The following DLG2 variants were observed in gnomAD, a reference collection of about 807,000 sequenced individuals.
DLG2 encodes the protein discs large MAGUK scaffold protein 2.
DLG2 carries 45 observed loss-of-function variants against 132.5 expected under a neutral mutation model. The observed-to-expected ratio is 0.34, with a 90% confidence interval of 0.27 to 0.44. The LOEUF is 0.44. Ranked by LOEUF, DLG2 falls within the 20% of genes least tolerant of loss-of-function variation. The pLI is 1.00. For synonymous variants in DLG2, 424 were observed against 419.6 expected (o/e 1.01, Z -0.13); for missense variants, 1,045 against 1,196.9 (o/e 0.87, Z 1.87).
intron 3 of DLG2, among the ~76,000 whole-genome samples, chr11:85,491,973 C>T (rs1028662403): frequency 1.3e-5 from 2 of 149,206 alleles, no homozygotes; most frequent in African/African-American, 5.2e-5. Context: ...AGAGGCATCA[C>T]ACAACCTGAC....
chr11:85,142,206 A>AT (rs1182539615), intron 5 of DLG2, among the ~76,000 whole-genome samples: 10 of 151,682 alleles, frequency 6.6e-5, no homozygotes, highest in African/African-American at 2.4e-4. Context: ...ATATCTTTCC[A>AT]TTTTTTGTGC....
intron 4 of DLG2, among the ~76,000 whole-genome samples, chr11:85,238,348 A>G (rs1396772365): frequency 6.6e-6 from 1 of 151,562 alleles, no homozygotes; most frequent in Non-Finnish European, 1.5e-5. Context: ...GGTTCAAGCA[A>G]TTCTCCTGCC....
At chr11:84,953,525 T>C (rs1349447609) in intron 6 of DLG2, among the ~76,000 whole-genome samples, 1 of 152,178 alleles carries the variant, frequency 6.6e-6, no homozygotes, top group Non-Finnish European at 1.5e-5. Context: ...CTCATCCATT[T>C]TTTAGCTTTG....
At chr11:83,534,541 T>C (rs920429283) in intron 20 of DLG2, among the ~76,000 whole-genome samples, 1 of 152,180 alleles carries the variant, frequency 6.6e-6, no homozygotes, top group Non-Finnish European at 1.5e-5. Flanking sequence ...GTTTCTATAG[T>C]TACAGAATGG....
At chr11:84,025,821 T>C (rs137925758) in intron 11 of DLG2, among the ~76,000 whole-genome samples, 2 of 152,218 alleles carry the variant, frequency 1.3e-5, no homozygotes, top group African/African-American at 2.4e-5. Context: ...TTTGCCAGCA[T>C]TTATGAGTCA....
At chr11:84,820,749 G>A (rs1349367814) in intron 6 of DLG2, among the ~76,000 whole-genome samples, 5 of 149,996 alleles carry the variant, frequency 3.3e-5, no homozygotes, top group Non-Finnish European at 7.4e-5. Context: ...TTGAGAAGCC[G>A]AGCCCCACTC....
intron 6 of DLG2, among the ~76,000 whole-genome samples, chr11:85,065,094 G>A (rs554887612): frequency 6.6e-6 from 1 of 151,480 alleles, no homozygotes; most frequent in Non-Finnish European, 1.5e-5. Context: ...CAGTGGAGAG[G>A]GGTGGGAGGA....
intron 21 of DLG2, among the ~76,000 whole-genome samples, chr11:83,528,486 T>C (rs2140921010): frequency 6.6e-6 from 1 of 152,324 alleles, no homozygotes; most frequent in South Asian, 2.1e-4. Context: ...ATCGTGTTCA[T>C]GCTTTTTCCT....
chr11:83,906,466 G>A (rs1489809981), intron 15 of DLG2, among the ~76,000 whole-genome samples: 4 of 151,966 alleles, frequency 2.6e-5, no homozygotes, highest in African/African-American at 9.7e-5. Context: ...GGTAGAGGAG[G>A]TAAGCCTCAT....
intron 24 of DLG2, among the ~76,000 whole-genome samples, chr11:83,470,160 C>T (rs2091837762): frequency 7.0e-6 from 1 of 142,306 alleles, no homozygotes; most frequent in Non-Finnish European, 1.6e-5. Flanking sequence ...AATTATAACA[C>T]AATTACGATG....
In DLG2 at chr11:83,635,226, G is replaced by A. The variant is rs117234546; in HGVS notation, c.1826-1901C>T. Among the ~76,000 whole-genome samples the A allele has an allele frequency of 2.0e-5, 3 of 152,192 alleles. No homozygotes were observed. The East Asian group carries it at 5.8e-4, about 29-fold the overall frequency. ...ACTGCACACCAGCTTGGGTGACAAA[G>A]TGAGACCCTGTCTTTATTTAAAATT... On this transcript the variant is annotated intron_variant, in intron 18 of 27. Coordinates refer to ENST00000376104, the MANE Select transcript of DLG2 (RefSeq NM_001142699.3).
chr11:83,585,438 T>C lies in DLG2; in HGVS notation c.1941-43580A>G, dbSNP rs147532669. Among the ~76,000 whole-genome samples the C allele has an allele frequency of 6.3e-4, 96 of 152,344 alleles. 2 individuals are homozygous for C. The highest frequency in any genetic ancestry group is 2.2e-3 in the African/African-American group (90 of 41,588). On this transcript the variant is annotated intron_variant, in intron 19 of 27. Coordinates refer to ENST00000376104, the MANE Select transcript of DLG2 (RefSeq NM_001142699.3). ...TAGGTGCCCCTAGATACAGCCATAC[T>C]TAAACTTTCTGAGATTTTCCCCCTA... is the stretch of plus-strand genomic sequence containing the variant.
At chr11:83,674,017 A>G (rs1017044618) in intron 18 of DLG2, among the ~76,000 whole-genome samples, 1 of 152,200 alleles carries the variant, frequency 6.6e-6, no homozygotes. Flanking sequence ...CTTAATACTT[A>G]GTTACACATT....
chr11:85,311,193 C>G (rs148419368), intron 3 of DLG2, among the ~76,000 whole-genome samples: 1 of 152,302 alleles, frequency 6.6e-6, no homozygotes, highest in East Asian at 1.9e-4. Flanking sequence ...TTTACCAACT[C>G]TTCATCTATA....
chr11:85,277,023 T>C (rs556927459), intron 4 of DLG2, among the ~76,000 whole-genome samples: 5 of 152,062 alleles, frequency 3.3e-5, no homozygotes, highest in Admixed American at 6.6e-5. Context: ...TTTAAAAAGA[T>C]TAAGTAGAAA....
chr11:84,637,189 G>C (rs549184192), intron 6 of DLG2, among the ~76,000 whole-genome samples: 1 of 152,264 alleles, frequency 6.6e-6, no homozygotes, highest in African/African-American at 2.4e-5. Context: ...CAGAGGACAG[G>C]CTACAAGGAG....
chr11:85,486,638 A>T (rs1198658325), intron 3 of DLG2, among the ~76,000 whole-genome samples: 1 of 152,154 alleles, frequency 6.6e-6, no homozygotes, highest in East Asian at 1.9e-4. Context: ...ACATGGTACC[A>T]GCAGGCCAGG....
At position 85,301,922 on chromosome 11, in the gene DLG2, A is replaced by G. The variant is rs77907295; in HGVS notation, c.41-16557T>C. 5.2e-4 allele frequency among the ~76,000 whole-genome samples: 79 copies of G among 152,326 alleles called. No individual in the cohort carries two copies. The East Asian group carries it at 0.014, about 28-fold the overall frequency. The stretch of plus-strand genomic sequence containing the variant: ...TCCCTCCCTGTCATAAAATTGATTC[A>G]TTTAGAAAATGGCTATTCTCTCTGT... On this transcript the variant is annotated intron_variant, in intron 3 of 27. Transcript: ENST00000376104.
intron 25 of DLG2, among the ~76,000 whole-genome samples, chr11:83,468,425 A>C (rs1289387387): frequency 1.3e-5 from 2 of 152,206 alleles, no homozygotes; most frequent in African/African-American, 4.8e-5. Context: ...GGACAGTTTG[A>C]CTAGAACCAG....
Sources: gnomAD v4.1 joint callset for allele counts (sites outside exome capture counted in the v4.1 genomes callset) on GRCh38, gnomAD v4.1.1 for gene constraint, MANE v1.5 for transcripts, NCBI Gene and HGNC (gene_info 2026-07-23, HGNC 2026-07-21) for gene names.